Variants in TBL1Y observed in about 807,000 individuals in gnomAD.
TBL1Y encodes F-box-like/WD repeat-containing protein TBL1Y.
TBL1Y carries 15 observed loss-of-function variants against 12.0 expected under a neutral mutation model. The ratio of observed to expected loss-of-function variants is 1.25; its 90% CI spans 0.83 to 1.92. TBL1Y has a LOEUF of 1.92. TBL1Y is among the 40% of genes most tolerant of loss of function. The probability of loss-of-function intolerance (pLI) is 0.00; values close to 1 mark genes in which losing one functional copy is unlikely to be tolerated. For synonymous variants in TBL1Y, 53 were observed against 42.6 expected (o/e 1.24, Z -0.95); for missense variants, 148 against 116.7 (o/e 1.27, Z -1.24).
At chrY:6,914,942 A>T (rs1242727935) in intron 2 of TBL1Y, among the ~76,000 whole-genome samples, 7 of 33,374 alleles carry the variant, frequency 2.1e-4, no homozygotes, top group Non-Finnish European at 4.4e-4. Flanking sequence ...TCCAATTTTG[A>T]TTTAAACAAC....
chrY:7,061,995 G>A, intron 7 of TBL1Y, among the ~76,000 whole-genome samples: 1 of 31,604 alleles, frequency 3.2e-5, no homozygotes, highest in African/African-American at 1.3e-4. Context: ...TTAGAGAGGG[G>A]TATTTAGGTT....
At chrY:7,035,801 TG>T (rs2012689214) in intron 6 of TBL1Y, among the ~76,000 whole-genome samples, 1 of 31,804 alleles carries the variant, frequency 3.1e-5, no homozygotes, top group Non-Finnish European at 7.7e-5. Flanking sequence ...CCTGTTGGGG[TG>T]GGGGGATAGG....
In TBL1Y at chrY:7,091,517, A is replaced by G. The variant is rs1407877943; in HGVS notation, c.*25A>G. ...AAAGTAAACACAAAATATAGAAAAAAAGAAAAGAATTCTAATGACCTGCCT... is the reference window on the plus strand; with the variant it reads ...AAAGTAAACACAAAATATAGAAAAAGAGAAAAGAATTCTAATGACCTGCCT... On this transcript the variant is annotated 3_prime_UTR_variant, in exon 19 of 19. Coordinates refer to ENST00000383032, the MANE Select transcript of TBL1Y (RefSeq NM_033284.2). 2 of 364,530 alleles carry G rather than the reference A, an allele frequency of 5.5e-6. No individual in the cohort carries two copies. The highest frequency in any genetic ancestry group is 1.3e-4 in the African/African-American group (2 of 15,054). 90.9% of individuals were successfully genotyped at this position (364,530 alleles called of 400,897 possible).
chrY:6,940,866 G>A (rs2011947761), intron 2 of TBL1Y, among the ~76,000 whole-genome samples: 1 of 33,840 alleles, frequency 3.0e-5, no homozygotes, highest in Admixed American at 2.7e-4. Context: ...ACAGAATGGT[G>A]GAAGAAGACT....
At chrY:6,965,036 G>A (rs2012159350) in intron 2 of TBL1Y, among the ~76,000 whole-genome samples, 1 of 32,397 alleles carries the variant, frequency 3.1e-5, no homozygotes, top group Admixed American at 2.9e-4. Flanking sequence ...CTCTGGAGAC[G>A]GCCGATACTG....
At chrY:7,042,671 A>G (rs2012730069) in intron 6 of TBL1Y, among the ~76,000 whole-genome samples, 1 of 32,799 alleles carries the variant, frequency 3.0e-5, no homozygotes, top group East Asian at 8.1e-4. Context: ...AGGATTACAG[A>G]TGTGAACCGC....
intron 2 of TBL1Y, among the ~76,000 whole-genome samples, chrY:6,937,919 T>C (rs2011916121): frequency 3.0e-5 from 1 of 33,030 alleles, no homozygotes. Flanking sequence ...CTTCTTGGCA[T>C]GAGAGTTAGG....
At chrY:7,085,671 AGTAGCTGGTGAT>A (rs2013125209) in intron 14 of TBL1Y, among the ~76,000 whole-genome samples, 2 of 32,759 alleles carry the variant, frequency 6.1e-5, no homozygotes, top group Non-Finnish European at 1.5e-4. Flanking sequence ...TATGGATGAG[AGTAGCTGGTGAT>A]GTGTGGTACA....
intron 4 of TBL1Y, among the ~76,000 whole-genome samples, chrY:7,003,524 AG>A (rs2012466309): frequency 3.0e-5 from 1 of 33,285 alleles, no homozygotes; most frequent in African/African-American, 1.2e-4. Context: ...TCTAGAGGGC[AG>A]GGGCTGGAGA....
At chrY:6,931,141 C>A (rs2011863930) in intron 2 of TBL1Y, among the ~76,000 whole-genome samples, 1 of 33,722 alleles carries the variant, frequency 3.0e-5, no homozygotes, top group Admixed American at 2.7e-4. Context: ...CCCGGACACA[C>A]CAGCACTTTG....
At chrY:6,996,232 C>T in intron 4 of TBL1Y, among the ~76,000 whole-genome samples, 1 of 33,278 alleles carries the variant, frequency 3.0e-5, no homozygotes, top group Admixed American at 2.7e-4. Context: ...AGACGTTTTG[C>T]CCTTGCATTT....
rs755309119 is a variant in TBL1Y at position 6,972,327 on chromosome Y, A to G, written c.-265-5886A>G. Among the ~76,000 whole-genome samples, 11 of 33,190 alleles carry G rather than the reference A, an allele frequency of 3.3e-4. No homozygotes were observed. The East Asian group carries it at 8.1e-3, about 24-fold the overall frequency. The allele number at this position is 33,190 out of a possible 37,273, so 89.0% of individuals were successfully genotyped here. Reference sequence around the variant, plus strand: ...ACCCTGTCCTGACACTGGATGATTTATTTCTGAATGAATTGCTCCTGGAAG... The same window carrying G: ...ACCCTGTCCTGACACTGGATGATTTGTTTCTGAATGAATTGCTCCTGGAAG... On this transcript the variant is annotated intron_variant, in intron 2 of 18. Coordinates refer to ENST00000383032, the MANE Select transcript of TBL1Y (RefSeq NM_033284.2).
intron 17 of TBL1Y, among the ~76,000 whole-genome samples, chrY:7,088,551 C>T (rs2013154886): frequency 3.1e-5 from 1 of 32,214 alleles, no homozygotes; most frequent in Non-Finnish European, 7.5e-5. Flanking sequence ...CCTAGGTAGC[C>T]CTCCGGGAAG....
At chrY:6,954,665 C>T (rs768099984) in intron 2 of TBL1Y, among the ~76,000 whole-genome samples, 1 of 33,340 alleles carries the variant, frequency 3.0e-5, no homozygotes, top group South Asian at 7.0e-4. Flanking sequence ...ATGCTTGGTG[C>T]GCTGCGCCCA....
At chrY:7,051,347 C>T (rs569347002) in intron 7 of TBL1Y, among the ~76,000 whole-genome samples, 852 of 32,676 alleles carry the variant, frequency 0.026, no homozygotes, top group Middle Eastern at 0.2. Context: ...ACCAAAAATA[C>T]AAAAAATTAG....
rs200485273 is a variant in TBL1Y at position 7,031,174 on chromosome Y, G to T, written c.58+6032G>T. Among the ~76,000 whole-genome samples the T allele has an allele frequency of 1.9e-3, 62 of 33,056 alleles. No individual in the cohort carries two copies. In the East Asian group the frequency reaches 0.05, roughly 27 times the overall value. The allele number at this position is 33,056 out of a possible 37,273, so 88.7% of individuals were successfully genotyped here. A position where few individuals can be genotyped will look rare whatever the true frequency, so the allele number is the denominator to read the frequency against. ...TTACTGTAAGAGGAGTGAGTACAAA[G>T]AAGAGTGAATGAGATCTCAGTGGCC... On this transcript the variant is annotated intron_variant, in intron 6 of 18. Transcript: ENST00000383032.
chrY:6,937,404 C>G, intron 2 of TBL1Y, among the ~76,000 whole-genome samples: 1 of 33,146 alleles, frequency 3.0e-5, no homozygotes, highest in African/African-American at 1.2e-4. Context: ...AACCCTGTTT[C>G]TACTAAAAAT....
intron 2 of TBL1Y, among the ~76,000 whole-genome samples, chrY:6,966,833 T>TTCTCTC (rs1569363835): frequency 6.4e-5 from 2 of 31,118 alleles, no homozygotes. Flanking sequence ...CAGAGCAGTC[T>TTCTCTC]TCTCTCTCTC....
chrY:6,960,529 G>A (rs2012115656), intron 2 of TBL1Y, among the ~76,000 whole-genome samples: 1 of 33,046 alleles, frequency 3.0e-5, no homozygotes, highest in African/African-American at 1.2e-4. Flanking sequence ...CCATTTCCAT[G>A]GATAGGGTGA....
Sources: gnomAD v4.1 joint callset for allele counts (sites outside exome capture counted in the v4.1 genomes callset) on GRCh38, gnomAD v4.1.1 for gene constraint, MANE v1.5 for transcripts, NCBI Gene and HGNC (gene_info 2026-07-23, HGNC 2026-07-21) for gene names.